ADK: variants seen among roughly 807,000 people sequenced by gnomAD.
ADK encodes the protein adenosine kinase, also known as N6,N6-dimethyladenosine kinase.
A neutral mutation model predicts 44.7 loss-of-function variants in ADK; 24 were observed. The ratio of observed to expected loss-of-function variants is 0.54; its 90% confidence interval spans 0.39 to 0.76. ADK has a LOEUF of 0.76. ADK is among the 30% of genes least tolerant of loss of function. The pLI, the probability that ADK is intolerant of heterozygous loss-of-function variation, is 0.00. For synonymous variants in ADK, 128 were observed against 142.6 expected, an observed-to-expected ratio of 0.90 and a Z score of 0.73; for missense variants, 321 against 425.1, an observed-to-expected ratio of 0.76 and a Z score of 2.15.
At chr10:74,532,053 A>G (rs1849306748) in intron 7 of ADK, among the ~76,000 whole-genome samples, 1 of 152,202 alleles carries the variant, frequency 6.6e-6, no homozygotes, top group African/African-American at 2.4e-5. Context: ...ACCGAACAAT[A>G]TATTAAAAGA....
chr10:74,228,402 AATC>A (rs1273626429), intron 3 of ADK, among the ~76,000 whole-genome samples: 1 of 152,214 alleles, frequency 6.6e-6, no homozygotes, highest in Non-Finnish European at 1.5e-5. Flanking sequence ...ATGATCCAGT[AATC>A]AACTGGTTTC....
At chr10:74,627,881 C>T (rs1453730217) in intron 9 of ADK, among the ~76,000 whole-genome samples, 1 of 152,210 alleles carries the variant, frequency 6.6e-6, no homozygotes, top group Non-Finnish European at 1.5e-5. Context: ...AAGTGATCCA[C>T]CTGCCTTGGC....
chr10:74,425,818 A>C (rs1319711981), intron 6 of ADK, among the ~76,000 whole-genome samples: 1 of 152,242 alleles, frequency 6.6e-6, no homozygotes, highest in East Asian at 1.9e-4. Context: ...TACTTCAAAA[A>C]AAGATTCTTT....
intron 3 of ADK, among the ~76,000 whole-genome samples, chr10:74,279,027 TC>T (rs1283623936): frequency 6.6e-6 from 1 of 152,204 alleles, no homozygotes; most frequent in African/African-American, 2.4e-5. Flanking sequence ...ACGCCTGTAA[TC>T]CCAGCACTTT....
chr10:74,695,743 A>G (rs887858393), intron 10 of ADK, among the ~76,000 whole-genome samples: 1 of 151,648 alleles, frequency 6.6e-6, no homozygotes, highest in Non-Finnish European at 1.5e-5. Context: ...GGGCTCAAGC[A>G]ATCCTCCCAC....
chr10:74,685,661 G>A (rs866810314), intron 10 of ADK, among the ~76,000 whole-genome samples: 5 of 152,134 alleles, frequency 3.3e-5, no homozygotes, highest in Admixed American at 6.5e-5. Context: ...TAAAGGATAT[G>A]GATTTATGAT....
chr10:74,571,143 T>G (rs1364357177), intron 7 of ADK, among the ~76,000 whole-genome samples: 1 of 152,242 alleles, frequency 6.6e-6, no homozygotes, highest in Non-Finnish European at 1.5e-5. Flanking sequence ...GAAGCCCACT[T>G]GATCATGGTG....
intron 7 of ADK, among the ~76,000 whole-genome samples, chr10:74,528,700 A>G (rs1476854752): frequency 6.6e-6 from 1 of 152,220 alleles, no homozygotes; most frequent in Non-Finnish European, 1.5e-5. Flanking sequence ...TAATTCAATA[A>G]TGATCAAAGG....
intron 4 of ADK, among the ~76,000 whole-genome samples, chr10:74,371,277 G>A (rs1192398859): frequency 6.6e-6 from 1 of 152,164 alleles, no homozygotes; most frequent in African/African-American, 2.4e-5. Flanking sequence ...TGTGGTAATG[G>A]TTACAGAAGT....
At chr10:74,442,130 A>G (rs1228366182) in intron 6 of ADK, among the ~76,000 whole-genome samples, 1 of 152,054 alleles carries the variant, frequency 6.6e-6, no homozygotes, top group African/African-American at 2.4e-5. Context: ...TCTTTAAAAA[A>G]AGAAAAAAAA....
chr10:74,185,462 G>A (rs918473942), intron 1 of ADK, among the ~76,000 whole-genome samples: 2 of 151,336 alleles, frequency 1.3e-5, no homozygotes, highest in African/African-American at 4.9e-5. Flanking sequence ...TTGGCTTTAC[G>A]TAACCAAGAA....
rs1847087080 is a variant in ADK at position 74,481,890 on chromosome 10, G to T, written c.556-43366G>T. Among the ~76,000 whole-genome samples, 3 of 152,246 alleles carry T rather than the reference G, an allele frequency of 2.0e-5. No homozygotes were observed. The East Asian group carries it at 5.8e-4, about 29-fold the overall frequency. ...AGTTCAATTAATGGTCTTAACTCAG[G>T]ACAATACAAATAGTACCTATTGTTT... On this transcript the variant is annotated intron_variant, in intron 6 of 10. Coordinates refer to ENST00000539909, the MANE Select transcript of ADK (RefSeq NM_006721.4).
At chr10:74,327,359 T>C in intron 4 of ADK, among the ~76,000 whole-genome samples, 1 of 152,330 alleles carries the variant, frequency 6.6e-6, no homozygotes, top group Middle Eastern at 3.4e-3. Flanking sequence ...GATCGGAAAA[T>C]ATAATCTATG....
chr10:74,541,465 T>C (rs942818895), intron 7 of ADK, among the ~76,000 whole-genome samples: 7 of 152,318 alleles, frequency 4.6e-5, no homozygotes, highest in African/African-American at 4.8e-5. Flanking sequence ...GTCTCTTTAA[T>C]CTAGAATGGT....
chr10:74,554,333 A>T (rs930117728), intron 7 of ADK, among the ~76,000 whole-genome samples: 2 of 152,122 alleles, frequency 1.3e-5, no homozygotes, highest in Admixed American at 1.3e-4. Context: ...GCTAATGCTT[A>T]TTCTGACTTT....
intron 4 of ADK, among the ~76,000 whole-genome samples, chr10:74,341,869 A>G (rs1841593543): frequency 6.6e-6 from 1 of 152,172 alleles, no homozygotes; most frequent in African/African-American, 2.4e-5. Flanking sequence ...AGTTATTGCT[A>G]TGTGTGTATT....
At chr10:74,444,323 C>A (rs1268200538) in intron 6 of ADK, among the ~76,000 whole-genome samples, 2 of 152,070 alleles carry the variant, frequency 1.3e-5, no homozygotes, top group African/African-American at 4.8e-5. Flanking sequence ...AGATCCTGAC[C>A]CAAGGTTTTG....
chr10:74,704,137 A>C (rs557032261), intron 10 of ADK, among the ~76,000 whole-genome samples: 3 of 152,296 alleles, frequency 2.0e-5, no homozygotes, highest in African/African-American at 7.2e-5. Flanking sequence ...GAATAGGCAA[A>C]TTTATAGAGA....
At chr10:74,619,423 C>T (rs1379419305) in intron 9 of ADK, among the ~76,000 whole-genome samples, 2 of 150,440 alleles carry the variant, frequency 1.3e-5, no homozygotes, top group African/African-American at 4.9e-5. Context: ...CCACTGCACA[C>T]GAGCCTGGGA....
Sources: gnomAD v4.1 joint callset for allele counts (sites outside exome capture counted in the v4.1 genomes callset) on GRCh38, gnomAD v4.1.1 for gene constraint, MANE v1.5 for transcripts, NCBI Gene and HGNC (gene_info 2026-07-23, HGNC 2026-07-21) for gene names.